FCER2: variants seen among roughly 807,000 people sequenced by gnomAD.
FCER2 encodes the protein low affinity immunoglobulin epsilon Fc receptor.
A neutral mutation model predicts 49.7 loss-of-function variants in FCER2; 38 were observed. The observed-to-expected ratio is 0.76, with a 90% CI of 0.59 to 1.00. FCER2 has a LOEUF of 1.00. Ranked by LOEUF, FCER2 falls within the 50% of genes least tolerant of loss-of-function variation. The pLI, the probability that FCER2 is intolerant of heterozygous loss-of-function variation, is 0.00. For missense variants in FCER2, 425 were observed against 419.5 expected (o/e 1.01, Z -0.11); for synonymous variants, 163 against 164.6 (o/e 0.99, Z 0.07).
intron 4 of FCER2, 149 bp from the exon 5 acceptor site, chr19:7,697,738 C>T (rs896990225): frequency 1.5e-6 from 1 of 667,648 alleles, no homozygotes; most frequent in Non-Finnish European, 2.7e-6. Flanking sequence ...GGAGTGTACT[C>T]AGGAAGGTAT....
chr19:7,697,990 T>C, intron 4 of FCER2, among the ~76,000 whole-genome samples: 1 of 152,190 alleles, frequency 6.6e-6, no homozygotes, highest in East Asian at 1.9e-4. Context: ...CGAGTTACAA[T>C]GGCTCGACTT....
Position 7,702,126 on chromosome 19 carries a change from T to A in FCER2, c.-197A>T, listed in dbSNP as rs1207908263. On this transcript the variant is annotated 5_prime_UTR_variant, in exon 1 of 11. Transcript: ENST00000597921. ...GGTTTAAGCAGGAAGAGAGACACTT[T>A]CTTCTGAAAGTAGAGCCACTGACAG... 2.0e-5 allele frequency: 3 copies of A among 152,040 alleles called. No homozygotes were observed. The highest frequency in any genetic ancestry group is 6.6e-5 in the Admixed American group (1 of 15,254). The allele number at this position is 152,040 out of a possible 1,614,324, so 9.4% of individuals were successfully genotyped here.
chr19:7,690,580 G>A, intron 8 of FCER2, 23 bp from the exon 9 acceptor site: 1 of 1,609,992 alleles, frequency 6.2e-7, no homozygotes, highest in Non-Finnish European at 8.5e-7. Flanking sequence ...AGAGGCTCGG[G>A]GGTGGGGCCA....
chr19:7,694,970 G>A (rs1467470400), intron 8 of FCER2, among the ~76,000 whole-genome samples: 1 of 152,156 alleles, frequency 6.6e-6, no homozygotes, highest in Non-Finnish European at 1.5e-5. Flanking sequence ...GAGTAGATGA[G>A]ACTACAGGTA....
At chr19:7,699,005 T>C in intron 2 of FCER2, 151 bp from the exon 3 acceptor site, 1 of 766,924 alleles carries the variant, frequency 1.3e-6, no homozygotes, top group South Asian at 1.7e-5. Flanking sequence ...CCAGCTCCAT[T>C]TGCACAGCTT....
Position 7,698,772 on chromosome 19 carries a change from C to T in FCER2, c.105G>A (p.Trp35Ter), listed in dbSNP as rs1398490675. Residue 35 changes from tryptophan to a stop codon, truncating the protein, a stop_gained, in exon 3 of 11, where the codon TGG becomes TGA. Transcript: ENST00000597921. LOFTEE classifies it high-confidence loss of function. ...VLLGLVTAAL[W>*]AGLLTLLLLW... is the part of the protein sequence containing the mutation. ...GGAGAAGCAGAGTCAGCAGCCCAGCCCACAGAGCGGCGGTCACCAGCCCCA... is the reference window on the plus strand; with the variant it reads ...GGAGAAGCAGAGTCAGCAGCCCAGCTCACAGAGCGGCGGTCACCAGCCCCA... The T allele has an allele frequency of 6.2e-7, 1 of 1,613,030 alleles. No individual in the cohort carries two copies. The highest frequency in any genetic ancestry group is 2.2e-5 in the East Asian group (1 of 44,850).
At chr19:7,699,372 C>G (rs1465410068) in intron 2 of FCER2, 1 of 1,345,486 alleles carries the variant, frequency 7.4e-7, no homozygotes, top group East Asian at 4.4e-5. Context: ...GCCCTCTGCA[C>G]TCACCCTGGC....
intron 8 of FCER2, among the ~76,000 whole-genome samples, chr19:7,694,042 T>C (rs2032953010): frequency 1.3e-5 from 2 of 151,548 alleles, no homozygotes; most frequent in South Asian, 2.1e-4. Context: ...TCCTCCTGCC[T>C]CGGCCTCCCA....
chr19:7,700,754 C>T (rs1435599187), intron 1 of FCER2, among the ~76,000 whole-genome samples: 1 of 152,094 alleles, frequency 6.6e-6, no homozygotes. Flanking sequence ...ACCTCATGAT[C>T]CGCCCGCCTC....
intron 8 of FCER2, 136 bp from the exon 9 acceptor site, chr19:7,690,693 G>A (rs2032843975): frequency 1.2e-6 from 1 of 809,396 alleles, no homozygotes; most frequent in African/African-American, 1.7e-5. Context: ...GGGCCTAACA[G>A]ACAGCCTCAC....
chr19:7,696,061 G>A (rs1208130767), intron 8 of FCER2, among the ~76,000 whole-genome samples: 1 of 151,212 alleles, frequency 6.6e-6, no homozygotes, highest in East Asian at 1.9e-4. Flanking sequence ...AGCCTCCCAA[G>A]TAGCTAGGAT....
chr19:7,691,564 C>G (rs914646821), intron 8 of FCER2, among the ~76,000 whole-genome samples: 5 of 151,576 alleles, frequency 3.3e-5, no homozygotes, highest in African/African-American at 1.2e-4. Flanking sequence ...GCACCTCAGC[C>G]ACAAGCACCA....
chr19:7,689,494 C>T, intron 10 of FCER2, 64 bp from the exon 11 acceptor site: 1 of 1,048,690 alleles, frequency 9.5e-7, no homozygotes, highest in Non-Finnish European at 1.4e-6. Flanking sequence ...CCCGGCAGCC[C>T]TCTGAGTCTG....
chr19:7,697,796 T>C (rs950388062), intron 4 of FCER2, among the ~76,000 whole-genome samples: 3 of 152,132 alleles, frequency 2.0e-5, no homozygotes, highest in Non-Finnish European at 4.4e-5. Flanking sequence ...CACCCAGGGT[T>C]AACTATAAAA....
Position 7,689,259 on chromosome 19 carries a change from C to T in FCER2, c.900G>A (p.Met300Ile), listed in dbSNP as rs1432862254. ...CAGGGTCTGGTCTTGAATCAGGTCCCATGGACTCCGCGGAACCTTCGCTGG... is the reference window on the plus strand; with the variant it reads ...CAGGGTCTGGTCTTGAATCAGGTCCTATGGACTCCGCGGAACCTTCGCTGG... ...PPASEGSAESMGPDSRPDPDG... is the reference protein window; with the variant it reads ...PPASEGSAESIGPDSRPDPDG... The change falls in exon 11 of 11, where the codon ATG (methionine) becomes ATA (isoleucine). Residue 300 changes from methionine (M) to isoleucine (I), a missense_variant. Physicochemically the swap from Met to Ile is conservative, Grantham distance 10 (BLOSUM62 1). Coordinates refer to ENST00000597921, the MANE Select transcript of FCER2 (RefSeq NM_001220500.2). 4 of 1,613,758 alleles carry T rather than the reference C, an allele frequency of 2.5e-6. No individual in the cohort carries two copies. The highest frequency in any genetic ancestry group is 1.7e-5 in the Admixed American group (1 of 59,990).
intron 3 of FCER2, 88 bp from the exon 4 acceptor site, chr19:7,698,497 G>A (rs1048952972): frequency 1.1e-4 from 122 of 1,139,836 alleles, no homozygotes; most frequent in Non-Finnish European, 1.5e-4. Flanking sequence ...GGGGATGGAG[G>A]TCTTGGGTAT....
chr19:7,698,890 G>A, intron 2 of FCER2, 36 bp from the exon 3 acceptor site: 1 of 1,550,612 alleles, frequency 6.4e-7, no homozygotes, highest in Non-Finnish European at 8.7e-7. Context: ...TGGGTGCAGG[G>A]TGAAGCTGGA....
At position 7,692,029 on chromosome 19, in the gene FCER2, C is replaced by T. The variant is rs111504293; in HGVS notation, c.470-1472G>A. Among the ~76,000 whole-genome samples the T allele has an allele frequency of 1.9e-4, 13 of 68,176 alleles. 2 individuals are homozygous for T. Among genetic ancestry groups the T allele is most frequent in the Non-Finnish European group, 2.8e-4 (10 of 35,464 alleles). 44.7% of individuals were successfully genotyped at this position (68,176 alleles called of 152,430 possible). ...AACACCATCAGCACGAATACATTCA[C>T]GTCCAACAACACATCAACTACCAAC... On this transcript the variant is annotated intron_variant, in intron 8 of 10. Coordinates refer to ENST00000597921, the MANE Select transcript of FCER2 (RefSeq NM_001220500.2).
chr19:7,695,635 G>A (rs1012179160), intron 8 of FCER2, among the ~76,000 whole-genome samples: 2 of 151,996 alleles, frequency 1.3e-5, no homozygotes, highest in Non-Finnish European at 2.9e-5. Flanking sequence ...AATTAGCTAG[G>A]GCCAGGTGCA....
Sources: gnomAD v4.1 joint callset for allele counts (sites outside exome capture counted in the v4.1 genomes callset) on GRCh38, gnomAD v4.1.1 for gene constraint, MANE v1.5 for transcripts, NCBI Gene and HGNC (gene_info 2026-07-23, HGNC 2026-07-21) for gene names.